The following ST3GAL4 variants were observed in gnomAD, a reference collection of about 807,000 sequenced individuals.
The protein encoded by ST3GAL4 is CMP-N-acetylneuraminate-beta-galactosamide-alpha-2,3-sialyltransferase 4.
Under a neutral mutation model 42.6 loss-of-function variants are expected in ST3GAL4, and 24 were observed. The observed-to-expected ratio is 0.56, with a 90% CI of 0.41 to 0.79. The LOEUF (loss-of-function observed/expected upper bound fraction) is 0.79, where lower values mean the gene tolerates loss of function less well. Among genes scored for constraint, ST3GAL4 ranks in the 30% least tolerant of loss-of-function variants. The pLI, the probability that ST3GAL4 is intolerant of heterozygous loss-of-function variation, is 0.00. For missense variants in ST3GAL4, 311 were observed against 430.8 expected (o/e 0.72, Z 2.46); for synonymous variants, 135 against 163.2 (o/e 0.83, Z 1.32).
chr11:126,381,674 T>G (rs1953008730), intron 1 of ST3GAL4, among the ~76,000 whole-genome samples: 1 of 148,844 alleles, frequency 6.7e-6, no homozygotes, highest in Non-Finnish European at 1.5e-5. Context: ...CTTTGTCTTC[T>G]TTTCTTTGGA....
rs762378769 is a variant in ST3GAL4, at chr11:126,413,525, G to A, written c.792G>A (p.Leu264=). 1 of 1,614,184 alleles carries A rather than the reference G, an allele frequency of 6.2e-7. No homozygotes were observed. Among genetic ancestry groups the A allele is most frequent in the Non-Finnish European group, 8.5e-7 (1 of 1,180,048 alleles). ...CTCAGAAGCCCACCACGGGCCTGTT[G>A]GCCATCACGCTGGCCCTCCACCTCT... The part of the protein sequence containing the change: ...KIKQKPTTGL[L]AITLALHLCD... Residue 264 remains leucine (L), a synonymous_variant, in exon 10 of 11, where the codon TTG becomes TTA. Transcript: ENST00000444328.
rs1243178571 is a variant in ST3GAL4 at position 126,384,150 on chromosome 11, G to A, written c.-60-21946G>A. On this transcript the variant is annotated intron_variant, in intron 1 of 10. Transcript: ENST00000444328. The surrounding 1 kb of genome is among the most constrained non-coding windows in gnomAD (Gnocchi z 5.5). ...TCAGGTGTGGACCCTTGGACCCTCC[G>A]CTGCACAGTTCCAGAAACTTGTTCA... 4.6e-5 allele frequency among the ~76,000 whole-genome samples: 7 copies of A among 152,140 alleles called. No individual in the cohort carries two copies. The highest frequency in any genetic ancestry group is 8.8e-5 in the Non-Finnish European group (6 of 68,018).
intron 1 of ST3GAL4, among the ~76,000 whole-genome samples, chr11:126,390,148 C>T (rs1485758422): frequency 2.0e-5 from 3 of 151,212 alleles, no homozygotes; most frequent in Non-Finnish European, 2.9e-5. Context: ...CGCCACTGCA[C>T]TCCAGCCTGG....
intron 4 of ST3GAL4, 101 bp downstream of exon 4, chr11:126,407,124 T>G (rs1225531254): frequency 4.8e-5 from 70 of 1,470,352 alleles, no homozygotes; most frequent in Non-Finnish European, 6.7e-5. Flanking sequence ...GCTGTGTTGG[T>G]GGACATGGGT....
chr11:126,388,822 A>C (rs1591457361), intron 1 of ST3GAL4, among the ~76,000 whole-genome samples: 1 of 111,584 alleles, frequency 9.0e-6, no homozygotes, highest in South Asian at 3.0e-4. Context: ...CCCAGGCTGG[A>C]GTGCAGTGCA....
At position 126,408,344 on chromosome 11, in the gene ST3GAL4, G is replaced by C. The variant is rs199686971; in HGVS notation, c.475G>C (p.Val159Leu). 1.9e-6 allele frequency: 3 copies of C among 1,614,194 alleles called. No homozygotes were observed. The highest frequency in any genetic ancestry group is 2.5e-6 in the Non-Finnish European group (3 of 1,180,028). Residue 159 changes from valine to leucine, a missense_variant, in exon 8 of 11, where the codon GTG becomes CTG. Val to Leu is a conservative substitution (Grantham distance 32). Transcript: ENST00000444328. ...NAPVAGYEGDVGSKTTMRLFY... is the reference protein window; with the variant it reads ...NAPVAGYEGDLGSKTTMRLFY... ...CCCAGTGGCTGGCTATGAGGGTGAC[G>C]TGGGCTCCAAGACCACCATGCGTCT...
rs754122705 is a variant in ST3GAL4 at position 126,408,146 on chromosome 11, G to A, written c.389G>A (p.Arg130Gln). 14 of 1,614,158 alleles carry A rather than the reference G, an allele frequency of 8.7e-6. No individual in the cohort carries two copies. Among genetic ancestry groups the A allele is most frequent in the East Asian group, 2.2e-5 (1 of 44,874 alleles). Residue 130 changes from arginine (R) to glutamine (Q), a missense_variant, in exon 7 of 11, where the codon CGG becomes CAG. Arg to Gln is a conservative substitution (Grantham distance 43). Transcript: ENST00000444328. Reference sequence around the variant, plus strand: ...GTCGTGGGGAACGGGCACCGGCTGCGGAACAGCTCACTGGGAGATGCCATC... The same window carrying A: ...GTCGTGGGGAACGGGCACCGGCTGCAGAACAGCTCACTGGGAGATGCCATC... Reference protein sequence around the residue: ...CVVVGNGHRLRNSSLGDAINK... With the variant: ...CVVVGNGHRLQNSSLGDAINK...
At chr11:126,372,134 A>C (rs1218903497) in intron 1 of ST3GAL4, among the ~76,000 whole-genome samples, 1 of 152,176 alleles carries the variant, frequency 6.6e-6, no homozygotes, top group East Asian at 1.9e-4. Context: ...TACATTTAGA[A>C]TGTGCTACCA....
intron 1 of ST3GAL4, among the ~76,000 whole-genome samples, chr11:126,361,534 C>G (rs1952242577): frequency 6.6e-6 from 1 of 152,070 alleles, no homozygotes; most frequent in Non-Finnish European, 1.5e-5. Context: ...TGCAAATGTC[C>G]TTCAGTATCA....
chr11:126,391,215 G>A lies in ST3GAL4; in HGVS notation c.-60-14881G>A, dbSNP rs1161134748. Among the ~76,000 whole-genome samples the A allele has an allele frequency of 6.6e-6, 1 of 151,414 alleles. No individual in the cohort carries two copies. The highest frequency in any genetic ancestry group is 6.6e-5 in the Admixed American group (1 of 15,206). ...TTTTGGGGATATACCCAGAAGTGCA[G>A]TTGCTTGATCCTATCCTGTCCCTTG... On this transcript the variant is annotated intron_variant, in intron 1 of 10. Coordinates refer to ENST00000444328, the MANE Select transcript of ST3GAL4 (RefSeq NM_001254757.2). The surrounding 1 kb of genome is among the most constrained non-coding windows in gnomAD (Gnocchi z 5.5).
At chr11:126,413,115 G>A (rs538665798) in intron 9 of ST3GAL4, among the ~76,000 whole-genome samples, 1 of 151,836 alleles carries the variant, frequency 6.6e-6, no homozygotes, top group African/African-American at 2.4e-5. Flanking sequence ...TTTTAGAGAT[G>A]GGGGGGTCTC....
intron 1 of ST3GAL4, among the ~76,000 whole-genome samples, chr11:126,372,395 C>CT (rs1033765439): frequency 1.3e-5 from 2 of 150,882 alleles, no homozygotes; most frequent in African/African-American, 4.9e-5. Flanking sequence ...GTCAGAATTT[C>CT]TTTTTTTCTT....
chr11:126,398,773 C>A lies in ST3GAL4; in HGVS notation c.-60-7323C>A, dbSNP rs1953883132. Reference sequence around the variant, plus strand: ...ATTCTGTACTCTGGTGGCATTAGGACCATGTGGGATGCCACCAAGACTCAC... The same window carrying A: ...ATTCTGTACTCTGGTGGCATTAGGAACATGTGGGATGCCACCAAGACTCAC... On this transcript the variant is annotated intron_variant, in intron 1 of 10. Coordinates refer to ENST00000444328, the MANE Select transcript of ST3GAL4 (RefSeq NM_001254757.2). This position sits in a 1 kb window ranked among gnomAD's most constrained non-coding sequence, Gnocchi z 4.7. 6.6e-6 allele frequency among the ~76,000 whole-genome samples: 1 copy of A among 152,216 alleles called. No individual in the cohort carries two copies. Among genetic ancestry groups the A allele is most frequent in the African/African-American group, 2.4e-5 (1 of 41,448 alleles).
At chr11:126,375,987 C>T (rs925959830) in intron 1 of ST3GAL4, among the ~76,000 whole-genome samples, 3 of 150,918 alleles carry the variant, frequency 2.0e-5, no homozygotes, top group Non-Finnish European at 4.4e-5. Context: ...TCGTTAGTCA[C>T]GTATTATTGT....
intron 10 of ST3GAL4, 139 bp downstream of exon 10, chr11:126,413,787 C>T (rs911137251): frequency 2.8e-6 from 4 of 1,432,040 alleles, no homozygotes; most frequent in Non-Finnish European, 3.8e-6. Context: ...ACCTGGACTC[C>T]CTGGCCAGCA....
Position 126,406,785 on chromosome 11 carries a change from G to A in ST3GAL4, c.102-158G>A, listed in dbSNP as rs1263904745. Reference sequence around the variant, plus strand: ...GGGAGTGCAGGGGCAGGAAGACCTGGATCCTCAAGGACTTGGGTTCCAAGT... The same window carrying A: ...GGGAGTGCAGGGGCAGGAAGACCTGAATCCTCAAGGACTTGGGTTCCAAGT... On this transcript the variant is annotated intron_variant, in intron 3 of 10. Coordinates refer to ENST00000444328, the MANE Select transcript of ST3GAL4 (RefSeq NM_001254757.2). The surrounding 1 kb of genome is among the most constrained non-coding windows in gnomAD (Gnocchi z 5.4). 2.2e-6 allele frequency: 2 copies of A among 927,890 alleles called. No individual in the cohort carries two copies. Among genetic ancestry groups the A allele is most frequent in the Non-Finnish European group, 3.3e-6 (2 of 607,802 alleles). 57.5% of individuals were successfully genotyped at this position (927,890 alleles called of 1,614,324 possible). A position where few individuals can be genotyped will look rare whatever the true frequency, so the allele number is the denominator to read the frequency against.
chr11:126,372,006 T>C (rs1952671268), intron 1 of ST3GAL4, among the ~76,000 whole-genome samples: 1 of 152,260 alleles, frequency 6.6e-6, no homozygotes. Flanking sequence ...CTTTTTGTGT[T>C]CTTTTTTATT....
At chr11:126,394,702 G>A (rs560828574) in intron 1 of ST3GAL4, among the ~76,000 whole-genome samples, 14 of 152,202 alleles carry the variant, frequency 9.2e-5, no homozygotes, top group African/African-American at 3.4e-4. Flanking sequence ...TGGGATTACT[G>A]GCATGAGGCA....
intron 1 of ST3GAL4, among the ~76,000 whole-genome samples, chr11:126,389,673 TC>T (rs1157608369): frequency 6.6e-6 from 1 of 152,126 alleles, no homozygotes; most frequent in Non-Finnish European, 1.5e-5. Context: ...CAAGTGATCC[TC>T]CCACCTTAGT....
Sources: allele counts gnomAD v4.1 joint callset (sites outside exome capture counted in the v4.1 genomes callset), GRCh38; gene constraint gnomAD v4.1.1; non-coding constraint Gnocchi (gnomAD v3.1); transcripts MANE v1.5; gene names NCBI Gene and HGNC (gene_info 2026-07-23, HGNC 2026-07-21).